The following FBN1 variants were observed in gnomAD, a reference collection of about 807,000 sequenced individuals.
FBN1 encodes fibrillin 1, also known as fibrillin-1.
FBN1 carries 29 observed loss-of-function variants against 365.1 expected under a neutral mutation model. The observed-to-expected ratio is 0.08, with a 90% CI of 0.06 to 0.11. FBN1 has a LOEUF of 0.11. Ranked by LOEUF, FBN1 falls within the 10% of genes least tolerant of loss-of-function variation. The pLI is 1.00. For synonymous variants in FBN1, 1,210 were observed against 1,270.5 expected (o/e 0.95, Z 1.01); for missense variants, 2,476 against 3,703.2 (o/e 0.67, Z 8.60).
chr15:48,551,490 TTCATGAAGAC>T (rs2044141129), intron 6 of FBN1, among the ~76,000 whole-genome samples: 1 of 152,100 alleles, frequency 6.6e-6, no homozygotes, highest in South Asian at 2.1e-4. Context: ...CAAGCCTGGA[TTCATGAAGAC>T]CTTGTTCTTT....
chr15:48,596,370 C>G lies in FBN1; in HGVS notation c.451G>C (p.Glu151Gln), dbSNP rs1180715983. 4 of 1,613,846 alleles carry G rather than the reference C, an allele frequency of 2.5e-6. No individual in the cohort carries two copies. The African/African-American group carries it at 4.0e-5, about 16-fold the overall frequency. ...CTTCCTCCATTGAGACAGCCACTTT[C>G]ACAAACAGCTGTAAAATAAGGAGAG... Reference protein sequence around the residue: ...IGTHCGQPVCESGCLNGGRCV... With the variant: ...IGTHCGQPVCQSGCLNGGRCV... Residue 151 changes from glutamate (E) to glutamine (Q), a missense_variant, in exon 6 of 66, where the codon GAA becomes CAA. Glu to Gln is a conservative substitution (Grantham distance 29). Transcript: ENST00000316623.
chr15:48,415,899 G>T, intron 63 of FBN1, 132 bp from the exon 64 acceptor site: 1 of 742,570 alleles, frequency 1.3e-6, no homozygotes, highest in Non-Finnish European at 2.4e-6. Flanking sequence ...AGGCAGAGGT[G>T]GCTGGGTGGG....
At chr15:48,489,776 G>T in intron 25 of FBN1, 75 bp downstream of exon 25, 1 of 1,104,814 alleles carries the variant, frequency 9.1e-7, no homozygotes, top group Non-Finnish European at 1.4e-6. Flanking sequence ...ATCAAGTAGA[G>T]TGCTGAGATC....
chr15:48,598,817 CTG>C (rs1432223222), intron 5 of FBN1, among the ~76,000 whole-genome samples: 3 of 152,176 alleles, frequency 2.0e-5, no homozygotes, highest in African/African-American at 7.2e-5. Context: ...TACAGTTTGG[CTG>C]TGTCACCACC....
At chr15:48,436,668 G>A (rs2043074215) in intron 53 of FBN1, among the ~76,000 whole-genome samples, 1 of 152,062 alleles carries the variant, frequency 6.6e-6, no homozygotes, top group Non-Finnish European at 1.5e-5. Context: ...TTATGATGTT[G>A]TCCTTTCTAG....
chr15:48,435,407 C>T (rs1344392314), intron 53 of FBN1, among the ~76,000 whole-genome samples: 2 of 151,588 alleles, frequency 1.3e-5, no homozygotes, highest in Non-Finnish European at 1.5e-5. Context: ...CCTTACATTA[C>T]ATCACTCCCC....
At position 48,445,062 on chromosome 15, in the gene FBN1, T is replaced by C. The variant is rs118100306; in HGVS notation, c.5917+314A>G. On this transcript the variant is annotated intron_variant, in intron 48 of 65. Transcript: ENST00000316623. ...CACTGTTTAATAGTTTGAGTATTCT[T>C]GGTGAGTACAATAGCTTAATTTTTA... 0.022 allele frequency among the ~76,000 whole-genome samples: 3,295 copies of C among 150,098 alleles called. 70 individuals are homozygous for C. The highest frequency in any genetic ancestry group is 0.084 in the East Asian group (430 of 5,132).
chr15:48,435,920 T>C (rs375142437), intron 53 of FBN1, among the ~76,000 whole-genome samples: 15 of 151,904 alleles, frequency 9.9e-5, no homozygotes, highest in African/African-American at 2.9e-4. Context: ...AGAAATAACA[T>C]TGATATTTTA....
intron 34 of FBN1, 58 bp downstream of exon 34, chr15:48,474,197 G>A (rs2141279559): frequency 1.2e-6 from 2 of 1,610,946 alleles, no homozygotes; most frequent in Admixed American, 3.3e-5. Flanking sequence ...CCTGAGAAAT[G>A]TGGAATGCCT....
intron 53 of FBN1, among the ~76,000 whole-genome samples, chr15:48,435,772 A>ATATATGTATATGTGTG (rs1555395092): frequency 6.4e-4 from 68 of 106,338 alleles, no homozygotes; most frequent in South Asian, 3.2e-3. Context: ...ATATGTGTAT[A>ATATATGTATATGTGTG]TGTGTGTGTG....
chr15:48,458,441 G>C (rs115880988), intron 43 of FBN1, among the ~76,000 whole-genome samples: 2,513 of 152,234 alleles, frequency 0.017, 61 homozygotes, highest in African/African-American at 0.058. Context: ...TATGTCTTTA[G>C]ATCTTTCACA....
At chr15:48,622,275 T>C (rs943996465) in intron 2 of FBN1, among the ~76,000 whole-genome samples, 1 of 152,130 alleles carries the variant, frequency 6.6e-6, no homozygotes, top group African/African-American at 2.4e-5. Flanking sequence ...CACAGGCACA[T>C]ACACAAAGAT....
intron 25 of FBN1, among the ~76,000 whole-genome samples, chr15:48,489,200 ATTTTTTTTTT>A (rs756179079): frequency 1.4e-4 from 7 of 48,418 alleles, no homozygotes; most frequent in East Asian, 7.2e-4. Context: ...ATGCCTAGAT[ATTTTTTTTTT>A]TTTTTTTTTT....
chr15:48,496,113 T>C lies in FBN1; in HGVS notation c.2406A>G (p.Leu802=), dbSNP rs1490836069. Reference sequence around the variant, plus strand: ...AATATGGTTTACCTTCACATGTTTTTAGATCAGGTTTGTAGATAAATCCCT... The same window carrying C: ...AATATGGTTTACCTTCACATGTTTTCAGATCAGGTTTGTAGATAAATCCCT... ...CPKGFIYKPD[L]KTCEDIDECE... is the part of the protein sequence containing the mutation. Residue 802 remains leucine, a synonymous_variant, in exon 20 of 66, where the codon CTA becomes CTG. Transcript: ENST00000316623. 6 of 1,613,724 alleles carry C rather than the reference T, an allele frequency of 3.7e-6. No homozygotes were observed. The highest frequency in any genetic ancestry group is 2.2e-5 in the East Asian group (1 of 44,806).
intron 31 of FBN1, among the ~76,000 whole-genome samples, chr15:48,482,918 CAG>C (rs1469782077): frequency 1.3e-5 from 2 of 152,184 alleles, no homozygotes; most frequent in African/African-American, 2.4e-5. Context: ...ACCTCACTAA[CAG>C]AGCAAAATTA....
At chr15:48,413,774 C>T (rs1024134115) in intron 64 of FBN1, among the ~76,000 whole-genome samples, 4 of 152,180 alleles carry the variant, frequency 2.6e-5, no homozygotes, top group African/African-American at 9.7e-5. Context: ...AATAGCTGAT[C>T]TGCTCTTTAG....
intron 6 of FBN1, among the ~76,000 whole-genome samples, chr15:48,572,662 G>T (rs969064958): frequency 6.6e-6 from 1 of 151,956 alleles, no homozygotes. Flanking sequence ...GTTACAAATG[G>T]CCACGAAATC....
intron 6 of FBN1, among the ~76,000 whole-genome samples, chr15:48,542,589 G>A (rs1344893130): frequency 6.6e-6 from 1 of 152,104 alleles, no homozygotes; most frequent in Admixed American, 6.5e-5. Flanking sequence ...TCTTCTTACT[G>A]CAATCATTCT....
intron 10 of FBN1, among the ~76,000 whole-genome samples, chr15:48,518,537 T>G (rs2043823991): frequency 6.6e-6 from 1 of 152,222 alleles, no homozygotes; most frequent in Non-Finnish European, 1.5e-5. Context: ...GCTAATTAGG[T>G]GGGTATTTTA....
Sources: gnomAD v4.1 joint callset for allele counts (sites outside exome capture counted in the v4.1 genomes callset) on GRCh38, gnomAD v4.1.1 for gene constraint, MANE v1.5 for transcripts, NCBI Gene and HGNC (gene_info 2026-07-23, HGNC 2026-07-21) for gene names.